The following ASCC3 variants were observed in gnomAD, a reference collection of about 807,000 sequenced individuals.
ASCC3 encodes ASC-1 complex subunit P200.
Under a neutral mutation model 256.3 loss-of-function variants are expected in ASCC3, and 158 were observed. The observed-to-expected ratio is 0.62, with a 90% CI of 0.54 to 0.70. The LOEUF is 0.70. Among genes scored for constraint, ASCC3 ranks in the 30% least tolerant of loss-of-function variants. The probability of loss-of-function intolerance (pLI) is 0.00; values close to 1 mark genes in which losing one functional copy is unlikely to be tolerated. For synonymous variants in ASCC3, 948 were observed against 883.4 expected (o/e 1.07, Z -1.30); for missense variants, 2,259 against 2,626.0 (o/e 0.86, Z 3.05).
At chr6:100,652,919 T>G in intron 17 of ASCC3, 30 bp from the exon 18 acceptor site, 2 of 1,598,846 alleles carry the variant, frequency 1.3e-6, no homozygotes, top group Non-Finnish European at 1.7e-6. Context: ...AACAGTTGAA[T>G]AGTGCTTTAG....
At chr6:100,636,225 T>C (rs1009586110) in intron 25 of ASCC3, among the ~76,000 whole-genome samples, 25 of 152,218 alleles carry the variant, frequency 1.6e-4, no homozygotes, top group African/African-American at 6.0e-4. Context: ...ATGTGTTCAC[T>C]TCATGCCTCT....
intron 8 of ASCC3, among the ~76,000 whole-genome samples, chr6:100,773,920 A>C (rs892843814): frequency 7.2e-5 from 11 of 152,186 alleles, no homozygotes; most frequent in Admixed American, 2.6e-4. Context: ...CCTATATTCA[A>C]CTTTCAGTAA....
At chr6:100,633,877 C>CAA (rs60180833) in intron 25 of ASCC3, among the ~76,000 whole-genome samples, 2,340 of 139,930 alleles carry the variant, frequency 0.017, 60 homozygotes, top group African/African-American at 0.056. Context: ...AACTCCGTCT[C>CAA]AAAAAAAAAA....
chr6:100,789,972 C>A (rs1384896325), intron 8 of ASCC3, among the ~76,000 whole-genome samples: 1 of 151,792 alleles, frequency 6.6e-6, no homozygotes, highest in East Asian at 1.9e-4. Context: ...ATATTTGCAC[C>A]ACTGGATCAA....
intron 16 of ASCC3, 94 bp from the exon 17 acceptor site, chr6:100,655,912 T>C: frequency 7.2e-7 from 1 of 1,396,862 alleles, no homozygotes; most frequent in Non-Finnish European, 1.0e-6. Context: ...GTTTTAAAAA[T>C]ACATCATTAT....
intron 8 of ASCC3, among the ~76,000 whole-genome samples, chr6:100,791,110 T>A (rs1769331511): frequency 6.6e-6 from 1 of 151,824 alleles, no homozygotes; most frequent in South Asian, 2.1e-4. Context: ...AATTTCTTAT[T>A]TATAATTTTA....
intron 24 of ASCC3, 28 bp from the exon 25 acceptor site, chr6:100,638,849 C>A: frequency 6.4e-7 from 1 of 1,574,158 alleles, no homozygotes; most frequent in Non-Finnish European, 8.7e-7. Flanking sequence ...GATGGCTATA[C>A]GACAATTGAA....
Position 100,516,338 on chromosome 6 carries a change from A to G in ASCC3, c.5928-11T>C. Reference sequence around the variant, plus strand: ...ATCGGCTTCCATTTCCTAGGAAATAATATCAAACCAACCAAATAATTGTTT... The same window carrying G: ...ATCGGCTTCCATTTCCTAGGAAATAGTATCAAACCAACCAAATAATTGTTT... On this transcript the variant is annotated splice_polypyrimidine_tract_variant and intron_variant, in intron 38 of 41. Transcript: ENST00000369162. 3 of 1,613,554 alleles carry G rather than the reference A, an allele frequency of 1.9e-6. No homozygotes were observed. The highest frequency in any genetic ancestry group is 2.5e-6 in the Non-Finnish European group (3 of 1,179,612).
At chr6:100,755,444 G>A (rs1781134862) in intron 10 of ASCC3, among the ~76,000 whole-genome samples, 1 of 151,134 alleles carries the variant, frequency 6.6e-6, no homozygotes, top group African/African-American at 2.4e-5. Flanking sequence ...CACGCTCACT[G>A]TAACCCCAAC....
intron 13 of ASCC3, among the ~76,000 whole-genome samples, chr6:100,709,772 A>G (rs1778781995): frequency 6.6e-6 from 1 of 152,194 alleles, no homozygotes; most frequent in South Asian, 2.1e-4. Flanking sequence ...TTGAAGGAGC[A>G]AAATTAAAAG....
intron 4 of ASCC3, among the ~76,000 whole-genome samples, chr6:100,834,723 A>C (rs966283453): frequency 1.3e-5 from 2 of 152,148 alleles, no homozygotes; most frequent in Non-Finnish European, 2.9e-5. Context: ...TACTCAGAAG[A>C]AATGGCTAAT....
chr6:100,836,804 T>C (rs1562332976), intron 4 of ASCC3, among the ~76,000 whole-genome samples: 1 of 152,122 alleles, frequency 6.6e-6, no homozygotes, highest in African/African-American at 2.4e-5. Flanking sequence ...TTGGAATAAT[T>C]TGAGTAGAAC....
chr6:100,593,668 A>G (rs945407591), intron 34 of ASCC3, among the ~76,000 whole-genome samples: 2 of 152,122 alleles, frequency 1.3e-5, no homozygotes, highest in East Asian at 1.9e-4. Flanking sequence ...TGCTGCTGCT[A>G]TAACTGTCAG....
intron 4 of ASCC3, among the ~76,000 whole-genome samples, chr6:100,829,953 A>T (rs1163372449): frequency 1.6e-4 from 24 of 152,106 alleles, no homozygotes; most frequent in Admixed American, 1.5e-3. Context: ...ATAACCAAGA[A>T]GAAATCAGCT....
In ASCC3 at chr6:100,766,686, A is replaced by G; in HGVS notation, c.1616T>C (p.Met539Thr). 6.2e-7 allele frequency: 1 copy of G among 1,614,034 alleles called. No individual in the cohort carries two copies. The highest frequency in any genetic ancestry group is 1.1e-5 in the South Asian group (1 of 91,080). Residue 539 changes from methionine (M) to threonine (T), a missense_variant, in exon 10 of 42, where the codon ATG (methionine) becomes ACG (threonine). By Grantham distance (81) the Met-to-Thr change is moderately conservative. Around this residue, in one of 2 missense-constraint regions of ASCC3, gnomAD observed 1,839 missense variants for 2,206.7 expected, o/e 0.83. Transcript: ENST00000369162. ...NEFKIVYVAP[M>T]KALAAEMTDY... The stretch of plus-strand genomic sequence containing the variant: ...TGTCATTTCAGCTGCCAAGGCTTTC[A>G]TTGGAGCAACATATACAATCTATAC...
At chr6:100,584,271 C>T (rs1344975191) in intron 36 of ASCC3, among the ~76,000 whole-genome samples, 2 of 151,256 alleles carry the variant, frequency 1.3e-5, no homozygotes, top group African/African-American at 4.8e-5. Context: ...CTGGGTGCTC[C>T]TGTATTGGGT....
chr6:100,676,346 AAGAG>A (rs1225437644), intron 14 of ASCC3, among the ~76,000 whole-genome samples: 1 of 152,210 alleles, frequency 6.6e-6, no homozygotes, highest in Admixed American at 6.5e-5. Context: ...CATTTGAGAG[AAGAG>A]AAAGTACGTT....
chr6:100,766,572 C>T lies in ASCC3; in HGVS notation c.1730G>A (p.Arg577Gln), dbSNP rs1020931997. Reference protein sequence around the residue: ...DMQLSKSEILRTQMLVTTPEK... With the variant: ...DMQLSKSEILQTQMLVTTPEK... ...TCTAGGTAAACAACATACCTGAGTTCGTAAAATTTCACTTTTGGACAACTG... is the reference window on the plus strand; with the variant it reads ...TCTAGGTAAACAACATACCTGAGTTTGTAAAATTTCACTTTTGGACAACTG... Residue 577 changes from arginine (R) to glutamine (Q), a missense_variant, in exon 10 of 42, where the codon CGA (arginine) becomes CAA (glutamine). By Grantham distance (43) the Arg-to-Gln change is conservative. Coordinates refer to ENST00000369162, the MANE Select transcript of ASCC3 (RefSeq NM_006828.4). The T allele has an allele frequency of 7.4e-6, 12 of 1,613,878 alleles. No individual in the cohort carries two copies. Among genetic ancestry groups the T allele is most frequent in the African/African-American group, 2.7e-5 (2 of 74,928 alleles).
At chr6:100,581,788 A>ACATATG (rs1771288427) in intron 36 of ASCC3, among the ~76,000 whole-genome samples, 1 of 151,444 alleles carries the variant, frequency 6.6e-6, no homozygotes, top group Non-Finnish European at 1.5e-5. Flanking sequence ...ATCCAGTTTC[A>ACATATG]GCTTTCTACA....
Sources: gnomAD v4.1 joint callset for allele counts (sites outside exome capture counted in the v4.1 genomes callset) on GRCh38, gnomAD v4.1.1 for gene constraint, gnomAD v4.1.1 regional missense constraint, MANE v1.5 for transcripts, NCBI Gene and HGNC (gene_info 2026-07-23, HGNC 2026-07-21) for gene names.